SLC9A2: variants seen among roughly 807,000 people sequenced by gnomAD.
SLC9A2 encodes the protein sodium/hydrogen exchanger 2.
Under a neutral mutation model 71.7 loss-of-function variants are expected in SLC9A2, and 42 were observed. The observed-to-expected ratio is 0.59, with a 90% CI of 0.46 to 0.76. The LOEUF (loss-of-function observed/expected upper bound fraction) is 0.76, where lower values mean the gene tolerates loss of function less well. Ranked by LOEUF, SLC9A2 falls within the 30% of genes least tolerant of loss-of-function variation. The pLI, the probability that SLC9A2 is intolerant of heterozygous loss-of-function variation, is 0.00. For missense variants in SLC9A2, 829 were observed against 1,017.4 expected (o/e 0.81, Z 2.52); for synonymous variants, 396 against 392.5 (o/e 1.01, Z -0.10).
chr2:102,691,503 T>A (rs1677661420), intron 5 of SLC9A2, among the ~76,000 whole-genome samples: 1 of 152,078 alleles, frequency 6.6e-6, no homozygotes, highest in Non-Finnish European at 1.5e-5. Flanking sequence ...CATACACAGA[T>A]GTCATATACT....
intron 7 of SLC9A2, among the ~76,000 whole-genome samples, chr2:102,698,049 C>G (rs1175884646): frequency 1.3e-5 from 2 of 152,182 alleles, no homozygotes; most frequent in Non-Finnish European, 2.9e-5. Context: ...CGAAATAGAG[C>G]AGATGCCATT....
At chr2:102,633,399 T>C (rs575626371) in intron 1 of SLC9A2, among the ~76,000 whole-genome samples, 1 of 152,222 alleles carries the variant, frequency 6.6e-6, no homozygotes, top group Non-Finnish European at 1.5e-5. Flanking sequence ...TCCAGCACAC[T>C]TTACCCACTC....
intron 1 of SLC9A2, among the ~76,000 whole-genome samples, chr2:102,639,793 A>T (rs999136108): frequency 4.6e-5 from 7 of 152,202 alleles, no homozygotes; most frequent in Non-Finnish European, 7.3e-5. Flanking sequence ...TGTAAGCAGA[A>T]TCATACAGTA....
chr2:102,651,360 T>G (rs1676831311), intron 1 of SLC9A2, among the ~76,000 whole-genome samples: 1 of 152,232 alleles, frequency 6.6e-6, no homozygotes, highest in South Asian at 2.1e-4. Context: ...AGCATTTTTC[T>G]GTCCCTCTGT....
chr2:102,650,407 G>A (rs184877043), intron 1 of SLC9A2, among the ~76,000 whole-genome samples: 10 of 151,982 alleles, frequency 6.6e-5, no homozygotes, highest in Admixed American at 3.3e-4. Context: ...TGGGTTGATG[G>A]GTGCAGCAAA....
intron 2 of SLC9A2, among the ~76,000 whole-genome samples, chr2:102,662,627 TC>T (rs1333026994): frequency 1.3e-5 from 2 of 152,090 alleles, no homozygotes; most frequent in Admixed American, 1.3e-4. Context: ...AGGTAAAGGT[TC>T]CCTAGATTTA....
intron 1 of SLC9A2, among the ~76,000 whole-genome samples, chr2:102,644,543 C>A (rs1676678983): frequency 6.6e-6 from 1 of 152,188 alleles, no homozygotes; most frequent in Non-Finnish European, 1.5e-5. Context: ...CCTATGGAGA[C>A]CAGCAAGCTA....
Position 102,702,392 on chromosome 2 carries a change from C to T in SLC9A2, c.1749-14C>T. On this transcript the variant is annotated splice_polypyrimidine_tract_variant and intron_variant, in intron 8 of 11. Coordinates refer to ENST00000233969, the MANE Select transcript of SLC9A2 (RefSeq NM_003048.6). ...TGTTGAAAGGTAAAATATTCTTTTT[C>T]TAAACTTTCACAGTGATTGTCGTGA... The T allele has an allele frequency of 6.9e-7, 1 of 1,451,156 alleles. No homozygotes were observed. The highest frequency in any genetic ancestry group is 9.5e-7 in the Non-Finnish European group (1 of 1,049,234). The allele number at this position is 1,451,156 out of a possible 1,614,324, so 89.9% of individuals were successfully genotyped here. A position where few individuals can be genotyped will look rare whatever the true frequency, so the allele number is the denominator to read the frequency against.
intron 1 of SLC9A2, among the ~76,000 whole-genome samples, chr2:102,637,464 G>A (rs913692188): frequency 2.2e-4 from 34 of 152,330 alleles, no homozygotes; most frequent in African/African-American, 7.9e-4. Context: ...TTTCCGAGCT[G>A]TCCAGTGGGT....
At chr2:102,624,688 C>T (rs758623795) in intron 1 of SLC9A2, among the ~76,000 whole-genome samples, 1 of 152,194 alleles carries the variant, frequency 6.6e-6, no homozygotes, top group Non-Finnish European at 1.5e-5. Flanking sequence ...TCAAGTGTCA[C>T]TGGTCACTCT....
At chr2:102,662,413 C>T (rs1433390016) in intron 2 of SLC9A2, among the ~76,000 whole-genome samples, 4 of 152,288 alleles carry the variant, frequency 2.6e-5, no homozygotes, top group African/African-American at 9.6e-5. Context: ...AAGAAGGAGA[C>T]TCAGCTCTGT....
chr2:102,692,957 C>A (rs1398711277), intron 5 of SLC9A2, among the ~76,000 whole-genome samples: 1 of 151,596 alleles, frequency 6.6e-6, no homozygotes, highest in Admixed American at 6.6e-5. Context: ...GATAGTATAT[C>A]TATGCATATT....
At chr2:102,645,496 A>G (rs144501438) in intron 1 of SLC9A2, among the ~76,000 whole-genome samples, 2,858 of 152,174 alleles carry the variant, frequency 0.019, 72 homozygotes, top group African/African-American at 0.058. Flanking sequence ...GGTAATAACA[A>G]ACTCCTCTGA....
chr2:102,658,051 A>C (rs1573411864), intron 2 of SLC9A2, 24 bp downstream of exon 2: 1 of 1,553,290 alleles, frequency 6.4e-7, no homozygotes, highest in Non-Finnish European at 8.8e-7. Context: ...ACACTGCATG[A>C]CTCCAACAGG....
intron 3 of SLC9A2, among the ~76,000 whole-genome samples, chr2:102,680,368 A>G (rs1677430282): frequency 6.6e-6 from 1 of 152,178 alleles, no homozygotes; most frequent in Non-Finnish European, 1.5e-5. Flanking sequence ...AATATGAAAG[A>G]TGAAGATTTT....
In SLC9A2 at chr2:102,619,781, C is replaced by G; in HGVS notation, c.-68C>G. On this transcript the variant is annotated 5_prime_UTR_variant, in exon 1 of 12. Coordinates refer to ENST00000233969, the MANE Select transcript of SLC9A2 (RefSeq NM_003048.6). The surrounding 1 kb of genome is among the most constrained non-coding windows in gnomAD (Gnocchi z 4.3). ...GGCAGGGCGGAGCGGGCTGAGCAGCCCGGGCGCGATGCGTTGAGCGCTCGG... is the reference window on the plus strand; with the variant it reads ...GGCAGGGCGGAGCGGGCTGAGCAGCGCGGGCGCGATGCGTTGAGCGCTCGG... The G allele has an allele frequency of 7.2e-7, 1 of 1,392,212 alleles. No individual in the cohort carries two copies. The highest frequency in any genetic ancestry group is 9.4e-7 in the Non-Finnish European group (1 of 1,059,290). 86.2% of individuals were successfully genotyped at this position (1,392,212 alleles called of 1,614,324 possible).
intron 3 of SLC9A2, among the ~76,000 whole-genome samples, chr2:102,674,498 A>T (rs1383974179): frequency 1.3e-5 from 2 of 152,160 alleles, no homozygotes; most frequent in Non-Finnish European, 2.9e-5. Context: ...CCTCACCTCA[A>T]TCAAACATGA....
intron 1 of SLC9A2, among the ~76,000 whole-genome samples, chr2:102,622,292 A>T (rs181866262): frequency 6.6e-6 from 1 of 152,280 alleles, no homozygotes; most frequent in African/African-American, 2.4e-5. Flanking sequence ...AGAAGCACAC[A>T]AAGTGGCGAG....
chr2:102,667,226 C>T (rs1677158840), intron 3 of SLC9A2, among the ~76,000 whole-genome samples: 1 of 152,178 alleles, frequency 6.6e-6, no homozygotes, highest in African/African-American at 2.4e-5. Context: ...CTTCCAGTTT[C>T]CTCACTCTTC....
Sources: gnomAD v4.1 joint callset for allele counts (sites outside exome capture counted in the v4.1 genomes callset) on GRCh38, gnomAD v4.1.1 for gene constraint, Gnocchi (gnomAD v3.1) non-coding constraint, MANE v1.5 for transcripts, NCBI Gene and HGNC (gene_info 2026-07-23, HGNC 2026-07-21) for gene names.